Variants in SGCG observed in about 807,000 individuals in gnomAD.
SGCG encodes gamma-sarcoglycan.
SGCG carries 26 observed loss-of-function variants against 29.3 expected under a neutral mutation model. The observed-to-expected ratio is 0.89, with a 90% CI of 0.65 to 1.23. The LOEUF is 1.23. SGCG is among the 50% of genes most tolerant of loss of function. The pLI, the probability that SGCG is intolerant of heterozygous loss-of-function variation, is 0.00. For synonymous variants in SGCG, 145 were observed against 129.7 expected, an observed-to-expected ratio of 1.12 and a Z score of -0.80; for missense variants, 353 against 356.0, an observed-to-expected ratio of 0.99 and a Z score of 0.07.
At chr13:23,211,431 A>G (rs1041980407) in intron 2 of SGCG, among the ~76,000 whole-genome samples, 2 of 152,162 alleles carry the variant, frequency 1.3e-5, no homozygotes, top group Admixed American at 6.5e-5. Context: ...GAGTGAGGAT[A>G]TAAGTCAGAA....
chr13:23,204,482 TACAAGATAGCTGC>T (rs1443552768), intron 2 of SGCG, among the ~76,000 whole-genome samples: 1 of 152,204 alleles, frequency 6.6e-6, no homozygotes, highest in Non-Finnish European at 1.5e-5. Flanking sequence ...GTCTTAATTT[TACAAGATAGCTGC>T]AGTGAGATAA....
In SGCG at chr13:23,234,311, C is replaced by A. The variant is rs71429830; in HGVS notation, c.196-300C>A. ...CTCAAAACAATTAATTTTATTGTAC[C>A]TTAATTTAATTTTTTTTAAAAAAAT... On this transcript the variant is annotated intron_variant, in intron 2 of 7. Coordinates refer to ENST00000218867, the MANE Select transcript of SGCG (RefSeq NM_000231.3). Among the ~76,000 whole-genome samples, 13 of 151,896 alleles carry A rather than the reference C, an allele frequency of 8.6e-5. No individual in the cohort carries two copies. The East Asian group carries it at 2.5e-3, about 29-fold the overall frequency.
the SGCG span, among the ~76,000 whole-genome samples, chr13:23,160,723 T>A: frequency 6.6e-6 from 1 of 152,014 alleles, no homozygotes; most frequent in Non-Finnish European, 1.5e-5. Context: ...TCCTCCAACC[T>A]CCTAAACTAA....
At chr13:23,222,496 T>C (rs888416872) in intron 2 of SGCG, among the ~76,000 whole-genome samples, 8 of 105,262 alleles carry the variant, frequency 7.6e-5, no homozygotes, top group African/African-American at 2.8e-4. Flanking sequence ...AGCACTTTTT[T>C]TTACAAAAAT....
At chr13:23,168,803 T>C in the SGCG span, among the ~76,000 whole-genome samples, 2 of 152,168 alleles carry the variant, frequency 1.3e-5, no homozygotes, top group African/African-American at 4.8e-5. Flanking sequence ...CATCTGCTAT[T>C]AATATGCACT....
rs1206336754 is a variant in SGCG at position 23,219,654 on chromosome 13, A to G, written c.196-14957A>G. Among the ~76,000 whole-genome samples the G allele has an allele frequency of 4.6e-5, 7 of 152,102 alleles. No homozygotes were observed. In the South Asian group the frequency reaches 8.3e-4, roughly 18 times the overall value. Reference sequence around the variant, plus strand: ...CACAACAAAGAAATAAATATTTTAGATAATGGATATGTTCATTAATCTGAT... The same window carrying G: ...CACAACAAAGAAATAAATATTTTAGGTAATGGATATGTTCATTAATCTGAT... On this transcript the variant is annotated intron_variant, in intron 2 of 7. Transcript: ENST00000218867.
chr13:23,199,904 G>A (rs1353857118), intron 1 of SGCG, among the ~76,000 whole-genome samples: 1 of 152,124 alleles, frequency 6.6e-6, no homozygotes, highest in Non-Finnish European at 1.5e-5. Context: ...GATGTGGGGG[G>A]ACTCAAGAGC....
intron 5 of SGCG, among the ~76,000 whole-genome samples, chr13:23,290,903 G>A (rs758261586): frequency 8.5e-5 from 13 of 152,278 alleles, no homozygotes; most frequent in South Asian, 2.1e-4. Context: ...GTTATTTGCC[G>A]TTCAGTTGCT....
At chr13:23,221,151 A>G (rs1878642136) in intron 2 of SGCG, among the ~76,000 whole-genome samples, 1 of 152,214 alleles carries the variant, frequency 6.6e-6, no homozygotes, top group Non-Finnish European at 1.5e-5. Flanking sequence ...ATTGTTACTA[A>G]CATCCTAGCA....
At chr13:23,304,110 AAG>A (rs1044836106) in intron 6 of SGCG, among the ~76,000 whole-genome samples, 1 of 151,938 alleles carries the variant, frequency 6.6e-6, no homozygotes, top group African/African-American at 2.4e-5. Context: ...CTCAATTTTT[AAG>A]ACTTCTTTAA....
chr13:23,317,613 AT>A (rs1227428338), intron 6 of SGCG, among the ~76,000 whole-genome samples: 1 of 152,050 alleles, frequency 6.6e-6, no homozygotes, highest in Non-Finnish European at 1.5e-5. Context: ...TTCCTTTATC[AT>A]TTTACATAAG....
chr13:23,319,517 T>TA (rs1019703163), intron 6 of SGCG, among the ~76,000 whole-genome samples: 4 of 152,050 alleles, frequency 2.6e-5, no homozygotes, highest in Admixed American at 1.3e-4. Flanking sequence ...AGTCATAGAT[T>TA]AAAAAAAACT....
Position 23,324,590 on chromosome 13 carries a change from C to T in SGCG, c.*49C>T, listed in dbSNP as rs1324224256. 1.3e-6 allele frequency: 2 copies of T among 1,529,346 alleles called. No homozygotes were observed. The highest frequency in any genetic ancestry group is 3.4e-5 in the Admixed American group (2 of 59,634). The allele number at this position is 1,529,346 out of a possible 1,614,324, so 94.7% of individuals were successfully genotyped here. A position where few individuals can be genotyped will look rare whatever the true frequency, so the allele number is the denominator to read the frequency against. ...CTGTGCAGTGCCGGCCCCAGATCCT[C>T]ACACCCAGGGAGCAGCTGCACATCG... On this transcript the variant is annotated 3_prime_UTR_variant, in exon 8 of 8. Transcript: ENST00000218867.
intron 5 of SGCG, among the ~76,000 whole-genome samples, chr13:23,283,566 C>A (rs1466734964): frequency 1.1e-4 from 16 of 152,130 alleles, no homozygotes; most frequent in Admixed American, 1.0e-3. Context: ...TTGACTCTAT[C>A]CAGTTTGCCA....
At chr13:23,203,195 G>A (rs1262633148) in intron 1 of SGCG, among the ~76,000 whole-genome samples, 24 of 152,094 alleles carry the variant, frequency 1.6e-4, no homozygotes, top group African/African-American at 3.6e-4. Flanking sequence ...TCCTGACCTC[G>A]TGATCCGCCC....
chr13:23,298,576 G>T (rs930882440), intron 6 of SGCG, among the ~76,000 whole-genome samples: 12 of 151,768 alleles, frequency 7.9e-5, no homozygotes, highest in African/African-American at 2.7e-4. Context: ...TTTTGAAAAT[G>T]GATAAAAAGA....
At chr13:23,268,290 T>A (rs1326756128) in intron 4 of SGCG, 1 of 152,174 alleles carries the variant, frequency 6.6e-6, no homozygotes, top group Non-Finnish European at 1.5e-5. Context: ...TAGGAATCAA[T>A]GCTATAAAAA....
chr13:23,181,215 A>G (rs1876722758), intron 1 of SGCG, 140 bp downstream of exon 1: 1 of 152,218 alleles, frequency 6.6e-6, no homozygotes, highest in Non-Finnish European at 1.5e-5. Flanking sequence ...AAATTGGTGT[A>G]TCACAACATA....
rs531600090 is a variant in SGCG, at chr13:23,312,377, G to A, written c.579-8260G>A. The stretch of plus-strand genomic sequence containing the variant: ...ATTTTGGTGTTTTGAAAACTAGAAA[G>A]GGACTAAATTTTAAGAATAATTGTA... On this transcript the variant is annotated intron_variant, in intron 6 of 7. Transcript: ENST00000218867. Among the ~76,000 whole-genome samples the A allele has an allele frequency of 1.2e-4, 19 of 152,212 alleles. No individual in the cohort carries two copies. In the East Asian group the frequency reaches 1.5e-3, roughly 12 times the overall value.
Sources: gnomAD v4.1 joint callset for allele counts (sites outside exome capture counted in the v4.1 genomes callset) on GRCh38, gnomAD v4.1.1 for gene constraint, MANE v1.5 for transcripts, NCBI Gene and HGNC (gene_info 2026-07-23, HGNC 2026-07-21) for gene names.